The following NRXN1 variants were observed in gnomAD, a reference collection of about 807,000 sequenced individuals.
The protein encoded by NRXN1 is neurexin-1.
A neutral mutation model predicts 150.9 loss-of-function variants in NRXN1; 39 were observed. The ratio of observed to expected loss-of-function variants is 0.26; its 90% CI spans 0.20 to 0.34. The LOEUF is 0.34. NRXN1 is among the 10% of genes least tolerant of loss of function. The pLI is 1.00. For missense variants in NRXN1, 1,815 were observed against 1,949.9 expected, an observed-to-expected ratio of 0.93 and a Z score of 1.30; for synonymous variants, 924 against 757.0, an observed-to-expected ratio of 1.22 and a Z score of -3.62.
At chr2:50,180,776 T>C (rs2060659480) in intron 18 of NRXN1, among the ~76,000 whole-genome samples, 1 of 152,188 alleles carries the variant, frequency 6.6e-6, no homozygotes. Context: ...TACCTGGTTT[T>C]AGGTATTCTG....
At chr2:50,639,853 ATATG>A (rs1683806192) in intron 5 of NRXN1, among the ~76,000 whole-genome samples, 1 of 152,082 alleles carries the variant, frequency 6.6e-6, no homozygotes, top group Non-Finnish European at 1.5e-5. Flanking sequence ...GTTTCTTTTC[ATATG>A]TATTATTATA....
chr2:50,698,267 G>A (rs1024354250), intron 5 of NRXN1, among the ~76,000 whole-genome samples: 18 of 152,256 alleles, frequency 1.2e-4, no homozygotes, highest in African/African-American at 3.4e-4. Context: ...TGAGACTTTC[G>A]GGAGGGCCAA....
chr2:50,383,867 G>C (rs1476661708), intron 17 of NRXN1, among the ~76,000 whole-genome samples: 2 of 152,124 alleles, frequency 1.3e-5, no homozygotes, highest in African/African-American at 2.4e-5. Context: ...ACTGTGGAAA[G>C]TACTACAAAA....
chr2:50,221,656 A>G (rs1241784334), intron 18 of NRXN1, among the ~76,000 whole-genome samples: 1 of 151,950 alleles, frequency 6.6e-6, no homozygotes, highest in East Asian at 1.9e-4. Flanking sequence ...CTCACTATAG[A>G]TGCAATAGGA....
intron 17 of NRXN1, among the ~76,000 whole-genome samples, chr2:50,255,334 T>C (rs1389590701): frequency 6.6e-6 from 1 of 152,178 alleles, no homozygotes; most frequent in Non-Finnish European, 1.5e-5. Context: ...GAATTTTACA[T>C]TTTACCACCC....
At chr2:50,654,489 T>C (rs1009950703) in intron 5 of NRXN1, among the ~76,000 whole-genome samples, 1 of 152,020 alleles carries the variant, frequency 6.6e-6, no homozygotes, top group Non-Finnish European at 1.5e-5. Context: ...GCAATAAACA[T>C]ATGTGTGCAT....
Position 50,898,044 on chromosome 2 carries a change from C to T in NRXN1, c.832+23825G>A, listed in dbSNP as rs1339019705. Among the ~76,000 whole-genome samples, 89 of 152,258 alleles carry T rather than the reference C, an allele frequency of 5.8e-4. 1 individual carries two copies. Among genetic ancestry groups the T allele is most frequent in the Non-Finnish European group, 7.4e-5 (5 of 68,002 alleles). Reference sequence around the variant, plus strand: ...CAAGTTTAGTTTAGATATGCCAGGTCACACAATAATTTCCAGATATTTCTT... The same window carrying T: ...CAAGTTTAGTTTAGATATGCCAGGTTACACAATAATTTCCAGATATTTCTT... On this transcript the variant is annotated intron_variant, in intron 5 of 22. Transcript: ENST00000401669.
chr2:49,951,284 T>TA (rs1189380030), intron 21 of NRXN1, among the ~76,000 whole-genome samples: 2 of 151,958 alleles, frequency 1.3e-5, no homozygotes, highest in African/African-American at 4.8e-5. Context: ...ATAGAAAACC[T>TA]ACAAATAAGG....
chr2:50,472,829 GTATATATA>G (rs375129044), intron 15 of NRXN1, among the ~76,000 whole-genome samples: 3 of 79,746 alleles, frequency 3.8e-5, no homozygotes, highest in Admixed American at 1.5e-4. Context: ...GTGTGTGTGT[GTATATATA>G]TATATAAGTT....
chr2:50,998,830 T>A (rs750069550), intron 2 of NRXN1, among the ~76,000 whole-genome samples: 3 of 152,086 alleles, frequency 2.0e-5, no homozygotes, highest in Non-Finnish European at 4.4e-5. Context: ...TTTGCACATA[T>A]AGTACAGTAT....
chr2:50,192,887 G>A (rs1037425007), intron 18 of NRXN1, among the ~76,000 whole-genome samples: 20 of 152,142 alleles, frequency 1.3e-4, no homozygotes, highest in Admixed American at 8.5e-4. Context: ...GAGGTGCTGG[G>A]ATTACAGGCG....
intron 18 of NRXN1, among the ~76,000 whole-genome samples, chr2:50,158,423 C>T (rs904982442): frequency 6.6e-6 from 1 of 151,646 alleles, no homozygotes; most frequent in African/African-American, 2.4e-5. Flanking sequence ...CTTCATAAAA[C>T]ACCAAGAGAA....
chr2:50,728,360 G>A (rs908009417), intron 5 of NRXN1, among the ~76,000 whole-genome samples: 1 of 152,096 alleles, frequency 6.6e-6, no homozygotes, highest in Non-Finnish European at 1.5e-5. Context: ...GTCTACTTCT[G>A]AGGATGACAA....
chr2:50,718,886 A>G (rs1239256720), intron 5 of NRXN1, among the ~76,000 whole-genome samples: 1 of 151,532 alleles, frequency 6.6e-6, no homozygotes, highest in Non-Finnish European at 1.5e-5. Flanking sequence ...TTCTTTCTTT[A>G]TCACTAAGCT....
At position 50,246,873 on chromosome 2, in the gene NRXN1, A is replaced by G. The variant is rs73930324; in HGVS notation, c.3365-9903T>C. On this transcript the variant is annotated intron_variant, in intron 17 of 22. Transcript: ENST00000401669. ...CTTTTATTGAAATATCCATTTTAAA[A>G]AGTATGCATCCTGAAGAAAGGGATC... Among the ~76,000 whole-genome samples the G allele has an allele frequency of 2.3e-3, 351 of 152,192 alleles. 1 individual carries two copies. Among genetic ancestry groups the G allele is most frequent in the African/African-American group, 8.2e-3 (339 of 41,560 alleles).
chr2:50,150,531 T>C (rs2058636467), intron 18 of NRXN1, among the ~76,000 whole-genome samples: 1 of 151,858 alleles, frequency 6.6e-6, no homozygotes, highest in Non-Finnish European at 1.5e-5. Flanking sequence ...TACTGCTAAA[T>C]GTTCCTGTAA....
At chr2:50,870,179 C>T (rs368974112) in intron 5 of NRXN1, among the ~76,000 whole-genome samples, 11 of 151,928 alleles carry the variant, frequency 7.2e-5, no homozygotes, top group African/African-American at 1.9e-4. Context: ...AAATACATTA[C>T]TCTCCAAATT....
intron 21 of NRXN1, among the ~76,000 whole-genome samples, chr2:50,041,217 G>A (rs1011710626): frequency 6.6e-6 from 1 of 152,048 alleles, no homozygotes; most frequent in Non-Finnish European, 1.5e-5. Context: ...CATCCAATTA[G>A]TGTTATCCCA....
At chr2:50,139,737 C>G (rs979815667) in intron 18 of NRXN1, among the ~76,000 whole-genome samples, 2 of 152,068 alleles carry the variant, frequency 1.3e-5, no homozygotes, top group African/African-American at 4.8e-5. Context: ...AAATTTTCTT[C>G]TTACTCGACT....
Sources: gnomAD v4.1 joint callset for allele counts (sites outside exome capture counted in the v4.1 genomes callset) on GRCh38, gnomAD v4.1.1 for gene constraint, MANE v1.5 for transcripts, NCBI Gene and HGNC (gene_info 2026-07-23, HGNC 2026-07-21) for gene names.